The following CRCP variants were observed in gnomAD, a reference collection of about 807,000 sequenced individuals.
The protein encoded by CRCP is DNA-directed RNA polymerase III subunit RPC9.
In CRCP, 18 loss-of-function variants were observed where a neutral mutation model predicts 18.5. That is an observed-to-expected ratio of 0.97 (90% CI 0.67 to 1.44). CRCP has a LOEUF of 1.44. CRCP is among the 40% of genes most tolerant of loss of function. The pLI, the probability that CRCP is intolerant of heterozygous loss-of-function variation, is 0.00. For synonymous variants in CRCP, 53 were observed against 62.9 expected, an observed-to-expected ratio of 0.84 and a Z score of 0.75; for missense variants, 130 against 176.4, an observed-to-expected ratio of 0.74 and a Z score of 1.49.
chr7:66,132,423 A>G (rs1787835793), intron 3 of CRCP, among the ~76,000 whole-genome samples: 1 of 152,170 alleles, frequency 6.6e-6, no homozygotes, highest in Non-Finnish European at 1.5e-5. Context: ...CTGATGTTTT[A>G]TTATGATTAC....
intron 4 of CRCP, among the ~76,000 whole-genome samples, chr7:66,134,681 G>A (rs1006831905): frequency 1.3e-5 from 2 of 151,922 alleles, no homozygotes; most frequent in Non-Finnish European, 1.5e-5. Context: ...AAATGGAAAT[G>A]CTTCATGGAA....
rs746870474 is a variant in CRCP at position 66,114,852 on chromosome 7, G to A, written c.-111G>A. On this transcript the variant is annotated 5_prime_UTR_variant, in exon 1 of 6. Transcript: ENST00000395326. ...GCATGCAGCGCGGCGATCCCGGCGA[G>A]CACCTTGGCGCGCGGAGCTGGCACC... is the stretch of plus-strand genomic sequence containing the variant. 1.9e-6 allele frequency: 3 copies of A among 1,598,858 alleles called. No homozygotes were observed. Among genetic ancestry groups the A allele is most frequent in the East Asian group, 2.3e-5 (1 of 44,380 alleles).
At chr7:66,117,717 T>TA (rs1355661107) in intron 1 of CRCP, among the ~76,000 whole-genome samples, 4 of 152,282 alleles carry the variant, frequency 2.6e-5, no homozygotes, top group East Asian at 1.9e-4. Flanking sequence ...CGCTCCTGGG[T>TA]AAAACCCTTC....
At chr7:66,116,577 A>G (rs911692479) in intron 1 of CRCP, among the ~76,000 whole-genome samples, 3 of 152,050 alleles carry the variant, frequency 2.0e-5, no homozygotes, top group Admixed American at 6.6e-5. Flanking sequence ...AACTATTCAT[A>G]TAATTTACTC....
intron 5 of CRCP, among the ~76,000 whole-genome samples, chr7:66,149,067 A>T (rs1788381085): frequency 6.6e-6 from 1 of 152,230 alleles, no homozygotes; most frequent in Admixed American, 6.5e-5. Flanking sequence ...GGATTGAGAT[A>T]ATAAATGTAT....
chr7:66,121,139 A>G (rs571330423), intron 1 of CRCP, among the ~76,000 whole-genome samples: 11 of 151,658 alleles, frequency 7.3e-5, no homozygotes, highest in Non-Finnish European at 1.2e-4. Context: ...CAATGGCGCA[A>G]TCTCGGCTGA....
chr7:66,144,432 C>T (rs548701753), intron 4 of CRCP, among the ~76,000 whole-genome samples: 46 of 152,290 alleles, frequency 3.0e-4, no homozygotes, highest in Non-Finnish European at 3.2e-4. Flanking sequence ...ATTAAATCTT[C>T]ATCTCAAAAA....
intron 4 of CRCP, among the ~76,000 whole-genome samples, chr7:66,139,076 T>A (rs1183252000): frequency 3.3e-5 from 5 of 152,168 alleles, no homozygotes; most frequent in Non-Finnish European, 7.3e-5. Flanking sequence ...TGTTCCTTTT[T>A]AAAAAAATTT....
chr7:66,136,417 A>T (rs964614724), intron 4 of CRCP, among the ~76,000 whole-genome samples: 5 of 152,042 alleles, frequency 3.3e-5, no homozygotes, highest in Non-Finnish European at 7.4e-5. Context: ...TTTAGTAGAG[A>T]CGTGGTTTCT....
rs1243364660 is a variant in CRCP, at chr7:66,128,783, C to T, written c.45+1043C>T. 4 of 152,120 alleles carry T rather than the reference C, an allele frequency of 2.6e-5. No homozygotes were observed. In the East Asian group the frequency reaches 7.7e-4, roughly 29 times the overall value. 9.4% of individuals were successfully genotyped at this position (152,120 alleles called of 1,614,324 possible). ...AGAGGAGATATTCCAGCATTTTTGC[C>T]TCCTATTTGGCACTAGCAAAACCAT... On this transcript the variant is annotated intron_variant, in intron 2 of 5. Coordinates refer to ENST00000395326, the MANE Select transcript of CRCP (RefSeq NM_014478.5).
chr7:66,136,574 G>A (rs1787977746), intron 4 of CRCP, among the ~76,000 whole-genome samples: 1 of 151,426 alleles, frequency 6.6e-6, no homozygotes, highest in African/African-American at 2.4e-5. Flanking sequence ...CTATTGGCCA[G>A]GCTGGTCTTG....
intron 4 of CRCP, among the ~76,000 whole-genome samples, chr7:66,138,150 C>T (rs1788022679): frequency 6.6e-6 from 1 of 152,136 alleles, no homozygotes; most frequent in Admixed American, 6.5e-5. Context: ...CCTTTCATTC[C>T]TGAAGGATAA....
At position 66,142,343 on chromosome 7, in the gene CRCP, G is replaced by A. The variant is rs1266920562; in HGVS notation, c.240-3100G>A. 2.0e-5 allele frequency among the ~76,000 whole-genome samples: 3 copies of A among 152,082 alleles called. No homozygotes were observed. The East Asian group carries it at 5.8e-4, about 29-fold the overall frequency. ...TCTCCTTCCAGACCCTCCCTCCTTC[G>A]GCTGGAGCTGCTTTTTTACTTCTGT... On this transcript the variant is annotated intron_variant, in intron 4 of 5. Coordinates refer to ENST00000395326, the MANE Select transcript of CRCP (RefSeq NM_014478.5).
chr7:66,127,591 T>A, intron 1 of CRCP, 113 bp from the exon 2 acceptor site: 1 of 1,172,560 alleles, frequency 8.5e-7, no homozygotes, highest in South Asian at 1.3e-5. Context: ...TAGGTTGTAG[T>A]CCCTAAATTC....
At chr7:66,115,939 G>A (rs1360424980) in intron 1 of CRCP, among the ~76,000 whole-genome samples, 1 of 152,094 alleles carries the variant, frequency 6.6e-6, no homozygotes, top group Non-Finnish European at 1.5e-5. Context: ...TGGGACTACA[G>A]GCCCACGCCA....
Position 66,154,128 on chromosome 7 carries a change from T to G in CRCP, c.*1771T>G, listed in dbSNP as rs1173686476. The G allele has an allele frequency of 6.6e-6, 1 of 151,936 alleles. No individual in the cohort carries two copies. Among genetic ancestry groups the G allele is most frequent in the African/African-American group, 2.4e-5 (1 of 41,384 alleles). 9.4% of individuals were successfully genotyped at this position (151,936 alleles called of 1,614,324 possible). Reference sequence around the variant, plus strand: ...TATTGAGAATTTTAGTGGGAGCTGTTGATTTATTTCTCAGGGCATACATGT... The same window carrying G: ...TATTGAGAATTTTAGTGGGAGCTGTGGATTTATTTCTCAGGGCATACATGT... On this transcript the variant is annotated 3_prime_UTR_variant, in exon 6 of 6. Transcript: ENST00000395326.
intron 4 of CRCP, among the ~76,000 whole-genome samples, chr7:66,138,361 A>G (rs1206510572): frequency 1.3e-5 from 2 of 152,006 alleles, no homozygotes; most frequent in Non-Finnish European, 2.9e-5. Context: ...CATCATTGTG[A>G]GACTCCATCT....
At chr7:66,146,574 C>A (rs749492763) in intron 5 of CRCP, among the ~76,000 whole-genome samples, 5 of 152,060 alleles carry the variant, frequency 3.3e-5, no homozygotes, top group Non-Finnish European at 5.9e-5. Context: ...AGAAAATGGT[C>A]AAAAATACGA....
intron 4 of CRCP, among the ~76,000 whole-genome samples, chr7:66,139,215 G>A (rs562287833): frequency 1.3e-5 from 2 of 152,218 alleles, no homozygotes; most frequent in South Asian, 4.1e-4. Context: ...GAGTCTAATG[G>A]GATAATTTCT....
Sources: allele counts gnomAD v4.1 joint callset (sites outside exome capture counted in the v4.1 genomes callset), GRCh38; gene constraint gnomAD v4.1.1; transcripts MANE v1.5; gene names NCBI Gene and HGNC (gene_info 2026-07-23, HGNC 2026-07-21).